EVC2: variants seen among roughly 807,000 people sequenced by gnomAD.
The protein encoded by EVC2 is EvC ciliary complex subunit 2.
EVC2 carries 148 observed loss-of-function variants against 149.3 expected under a neutral mutation model. The ratio of observed to expected loss-of-function variants is 0.99; its 90% CI spans 0.87 to 1.14. The LOEUF is 1.14. Among genes scored for constraint, EVC2 ranks in the 50% most tolerant of loss-of-function variants. EVC2 has a pLI of 0.00. For missense variants in EVC2, 1,854 were observed against 1,627.3 expected (o/e 1.14, Z -2.40); for synonymous variants, 776 against 649.9 (o/e 1.19, Z -2.95).
chr4:5,653,961 C>T (rs370812887), intron 9 of EVC2, among the ~76,000 whole-genome samples: 25 of 152,296 alleles, frequency 1.6e-4, no homozygotes, highest in Middle Eastern at 3.4e-3. Context: ...TGCCTGTAAT[C>T]CCAGCACTTT....
At chr4:5,689,131 C>T in intron 5 of EVC2, 26 bp downstream of exon 5, 2 of 1,613,160 alleles carry the variant, frequency 1.2e-6, no homozygotes, top group Non-Finnish European at 1.7e-6. Flanking sequence ...TTTGTCATCC[C>T]TGACTTCAGA....
At chr4:5,664,914 T>A (rs1298850674) in intron 8 of EVC2, among the ~76,000 whole-genome samples, 2 of 151,816 alleles carry the variant, frequency 1.3e-5, no homozygotes, top group South Asian at 2.1e-4. Context: ...GGTGATGGGG[T>A]GCGTGTGGGT....
chr4:5,573,751 G>A (rs1447509073), intron 19 of EVC2, among the ~76,000 whole-genome samples: 2 of 152,220 alleles, frequency 1.3e-5, no homozygotes, highest in African/African-American at 4.8e-5. Context: ...GCCTGTGGAT[G>A]CAGCCAGCTG....
At position 5,640,866 on chromosome 4, in the gene EVC2, C is replaced by G; in HGVS notation, c.1146-28G>C. 1 of 1,612,168 alleles carries G rather than the reference C, an allele frequency of 6.2e-7. No individual in the cohort carries two copies. The highest frequency in any genetic ancestry group is 8.5e-7 in the Non-Finnish European group (1 of 1,178,398). ...AGGAAACACAAAAATCAAAAGAATT[C>G]CATTACATGAAATTGCAACAGAAAC... On this transcript the variant is annotated intron_variant, in intron 9 of 21. Coordinates refer to ENST00000344408, the MANE Select transcript of EVC2 (RefSeq NM_147127.5). This position sits in a 1 kb window ranked among gnomAD's most constrained non-coding sequence, Gnocchi z 4.6.
chr4:5,546,203 C>G (rs1721614514), intron 21 of EVC2, among the ~76,000 whole-genome samples: 3 of 152,160 alleles, frequency 2.0e-5, no homozygotes, highest in Non-Finnish European at 2.9e-5. Context: ...ACCCAGCCAT[C>G]CCATTACTGG....
intron 14 of EVC2, among the ~76,000 whole-genome samples, chr4:5,619,046 G>A (rs896843104): frequency 6.6e-6 from 1 of 152,150 alleles, no homozygotes; most frequent in South Asian, 2.1e-4. Flanking sequence ...CTCTATGTAG[G>A]ACCAATGGAC....
Position 5,677,716 on chromosome 4 carries a change from C to T in EVC2, c.870+3544G>A, listed in dbSNP as rs892698358. 1.3e-5 allele frequency among the ~76,000 whole-genome samples: 2 copies of T among 152,196 alleles called. No homozygotes were observed. The highest frequency in any genetic ancestry group is 1.9e-4 in the East Asian group (1 of 5,190). On this transcript the variant is annotated intron_variant, in intron 7 of 21. Transcript: ENST00000344408. The surrounding 1 kb of genome is among the most constrained non-coding windows in gnomAD (Gnocchi z 4.3). ...CCTGAGCAGCAATCATCGTCATTGACGACAATAAGCTCAATCACGGGATAT... is the reference window on the plus strand; with the variant it reads ...CCTGAGCAGCAATCATCGTCATTGATGACAATAAGCTCAATCACGGGATAT...
rs964251956 is a variant in EVC2 at position 5,580,177 on chromosome 4, C to A, written c.3058-3723G>T. ...TGTTTAACAGCCTAAAAGCCCATTC[C>A]CAATAGGAAAGTGGTTTACACAGAA... On this transcript the variant is annotated intron_variant, in intron 17 of 21. Transcript: ENST00000344408. Among the ~76,000 whole-genome samples, 6 of 152,112 alleles carry A rather than the reference C, an allele frequency of 3.9e-5. No individual in the cohort carries two copies. The South Asian group carries it at 1.2e-3, about 32-fold the overall frequency.
At chr4:5,701,704 T>G (rs565951490) in intron 1 of EVC2, among the ~76,000 whole-genome samples, 1 of 152,202 alleles carries the variant, frequency 6.6e-6, no homozygotes, top group African/African-American at 2.4e-5. Flanking sequence ...AAATCCAGAC[T>G]TGAATGCCTA....
intron 16 of EVC2, among the ~76,000 whole-genome samples, chr4:5,594,302 G>A (rs1713161228): frequency 6.6e-6 from 1 of 152,234 alleles, no homozygotes; most frequent in Admixed American, 6.5e-5. Flanking sequence ...CCCCCGAGCA[G>A]CCTAACTGGG....
At chr4:5,656,501 A>G (rs1718529719) in intron 9 of EVC2, among the ~76,000 whole-genome samples, 1 of 152,236 alleles carries the variant, frequency 6.6e-6, no homozygotes, top group South Asian at 2.1e-4. Context: ...GGATCTTGAC[A>G]CGAGGAGACT....
At position 5,618,747 on chromosome 4, in the gene EVC2, G is replaced by A; in HGVS notation, c.2502-65C>T. ...AGCCTGGGGGCTGGGCTGGGGTGAA[G>A]AAGCCAGAGATGCAAAGCTCATTCC... On this transcript the variant is annotated intron_variant, in intron 14 of 21. Coordinates refer to ENST00000344408, the MANE Select transcript of EVC2 (RefSeq NM_147127.5). The surrounding 1 kb of genome is among the most constrained non-coding windows in gnomAD (Gnocchi z 4.4). The A allele has an allele frequency of 1.4e-6, 2 of 1,453,600 alleles. No individual in the cohort carries two copies. Among genetic ancestry groups the A allele is most frequent in the East Asian group, 2.5e-5 (1 of 40,468 alleles). The allele number at this position is 1,453,600 out of a possible 1,614,324, so 90.0% of individuals were successfully genotyped here. A position where few individuals can be genotyped will look rare whatever the true frequency, so the allele number is the denominator to read the frequency against.
chr4:5,544,746 T>TG (rs767426437), intron 21 of EVC2, among the ~76,000 whole-genome samples: 34 of 152,084 alleles, frequency 2.2e-4, no homozygotes, highest in Non-Finnish European at 1.2e-4. Flanking sequence ...ACCAATACTG[T>TG]GGGGAAAACA....
In EVC2 at chr4:5,562,517, A is replaced by G. The variant is rs1722017146; in HGVS notation, c.*331T>C. On this transcript the variant is annotated 3_prime_UTR_variant, in exon 22 of 22. Coordinates refer to ENST00000344408, the MANE Select transcript of EVC2 (RefSeq NM_147127.5). This position sits in a 1 kb window ranked among gnomAD's most constrained non-coding sequence, Gnocchi z 4.3. ...TAACAAATACAAAACATAAGAGTAGAGAATCTGGCTGTCACCACACAGACC... is the reference window on the plus strand; with the variant it reads ...TAACAAATACAAAACATAAGAGTAGGGAATCTGGCTGTCACCACACAGACC... 1 of 1,185,274 alleles carries G rather than the reference A, an allele frequency of 8.4e-7. No individual in the cohort carries two copies. Among genetic ancestry groups the G allele is most frequent in the African/African-American group, 1.5e-5 (1 of 64,628 alleles). The allele number at this position is 1,185,274 out of a possible 1,614,324, so 73.4% of individuals were successfully genotyped here. A position where few individuals can be genotyped will look rare whatever the true frequency, so the allele number is the denominator to read the frequency against.
At chr4:5,685,037 G>A (rs1720599036) in intron 6 of EVC2, among the ~76,000 whole-genome samples, 1 of 152,222 alleles carries the variant, frequency 6.6e-6, no homozygotes, top group Non-Finnish European at 1.5e-5. Flanking sequence ...TGGTAGCCCT[G>A]CAAAATTAAT....
At chr4:5,561,115 C>T (rs1290204143), downstream of EVC2, among the ~76,000 whole-genome samples, 10 of 152,138 alleles carry the variant, frequency 6.6e-5, no homozygotes, top group Admixed American at 3.9e-4. Context: ...TTTTTGCATG[C>T]AATCTACTTT....
chr4:5,586,551 C>T (rs1199133237), intron 16 of EVC2, among the ~76,000 whole-genome samples: 1 of 152,136 alleles, frequency 6.6e-6, no homozygotes, highest in African/African-American at 2.4e-5. Flanking sequence ...TCAGATAGAA[C>T]AGACTCTTTA....
intron 17 of EVC2, among the ~76,000 whole-genome samples, chr4:5,582,102 A>C (rs1302626259): frequency 6.6e-6 from 1 of 152,204 alleles, no homozygotes; most frequent in African/African-American, 2.4e-5. Flanking sequence ...GTGGAGGGGA[A>C]ATGTGGGGTT....
chr4:5,634,248 A>G (rs1381982022), intron 10 of EVC2, among the ~76,000 whole-genome samples: 1 of 152,250 alleles, frequency 6.6e-6, no homozygotes. Context: ...ACTCTATTAC[A>G]GAGAAATGGT....
Sources: allele counts gnomAD v4.1 joint callset (sites outside exome capture counted in the v4.1 genomes callset), GRCh38; gene constraint gnomAD v4.1.1; non-coding constraint Gnocchi (gnomAD v3.1); transcripts MANE v1.5; gene names NCBI Gene and HGNC (gene_info 2026-07-23, HGNC 2026-07-21).